SPRN: variants seen among roughly 807,000 people sequenced by gnomAD.
SPRN encodes the protein shadow of prion protein.
For missense variants in SPRN, 312 were observed against 241.4 expected (o/e 1.29, Z -1.94); for synonymous variants, 182 against 123.4 (o/e 1.48, Z -3.15).
rs1850287939 is a variant in SPRN at position 133,423,249 on chromosome 10, C to T, written c.433G>A (p.Ala145Thr). Residue 145 changes from alanine (A) to threonine (T), a missense_variant, in exon 2 of 2, where the codon GCC becomes ACC. Physicochemically the swap from Ala to Thr is moderately conservative, Grantham distance 58. Coordinates refer to ENST00000685335, the MANE Select transcript of SPRN (RefSeq NM_001391974.1). The part of the protein sequence containing the change: ...LCLVLGGALG[A>T]LGLLRP ...GCCTAGGGCCGCAGCAGCCCCAGGG[C>T]TCCGAGGGCGCCGCCCAGCACGAGA... 2 of 1,482,408 alleles carry T rather than the reference C, an allele frequency of 1.3e-6. No homozygotes were observed. The highest frequency in any genetic ancestry group is 1.8e-6 in the Non-Finnish European group (2 of 1,118,620). The allele number at this position is 1,482,408 out of a possible 1,614,324, so 91.8% of individuals were successfully genotyped here. A position where few individuals can be genotyped will look rare whatever the true frequency, so the allele number is the denominator to read the frequency against.
chr10:133,423,186 CG>C lies in SPRN; in HGVS notation c.*39del. 2 of 1,361,424 alleles carry C rather than the reference CG, an allele frequency of 1.5e-6. No individual in the cohort carries two copies. The highest frequency in any genetic ancestry group is 1.9e-6 in the Non-Finnish European group (2 of 1,055,118). 84.3% of individuals were successfully genotyped at this position (1,361,424 alleles called of 1,614,324 possible). On this transcript the variant is annotated 3_prime_UTR_variant, in exon 2 of 2. Transcript: ENST00000685335. ...GGCCGGAGGATCCTGGGGGATGGCG[CG>C]GGCCGGGGGCCAGATGTGGTCCCCG...
rs761514788 is a variant in SPRN, at chr10:133,423,436, G to GCCCGCGGCCGCT, written c.234_245dup (p.Ala79_Gly82dup). ...TTCTCCAGCCCGAGCCCGCCGCCAGGCCCGCGGCCGCTCCCGCCGCCGCCC... is the reference window on the plus strand; with the variant it reads ...TTCTCCAGCCCGAGCCCGCCGCCAGGCCCGCGGCCGCTCCCGCGGCCGCTCCCGCCGCCGCCC... On this transcript the variant is annotated inframe_insertion, in exon 2 of 2. Transcript: ENST00000685335. The GCCCGCGGCCGCT allele has an allele frequency of 2.1e-3, 2,687 of 1,277,440 alleles. 52 individuals are homozygous for GCCCGCGGCCGCT. The African/African-American group carries it at 0.038, about 18-fold the overall frequency. 79.1% of individuals were successfully genotyped at this position (1,277,440 alleles called of 1,614,324 possible).
Position 133,424,585 on chromosome 10 carries a change from C to T in SPRN, c.-129G>A, listed in dbSNP as rs1207663526. On this transcript the variant is annotated 5_prime_UTR_variant, in exon 1 of 2. Coordinates refer to ENST00000685335, the MANE Select transcript of SPRN (RefSeq NM_001391974.1). ...CGGACCCTCAGCCGGAGCGCGGAGC[C>T]GCGGCGCCTGGGTTTTGCGCGAGGC... 2 of 140,704 alleles carry T rather than the reference C, an allele frequency of 1.4e-5. No individual in the cohort carries two copies. Among genetic ancestry groups the T allele is most frequent in the Admixed American group, 6.8e-5 (1 of 14,780 alleles). The allele number at this position is 140,704 out of a possible 1,614,324, so 8.7% of individuals were successfully genotyped here.
rs1850324950 is a variant in SPRN at position 133,424,487 on chromosome 10, G to A, written c.-31C>T. The A allele has an allele frequency of 8.6e-6, 1 of 116,508 alleles. No individual in the cohort carries two copies. Among genetic ancestry groups the A allele is most frequent in the African/African-American group, 4.1e-5 (1 of 24,558 alleles). The allele number at this position is 116,508 out of a possible 1,614,324, so 7.2% of individuals were successfully genotyped here. A position where few individuals can be genotyped will look rare whatever the true frequency, so the allele number is the denominator to read the frequency against. The stretch of plus-strand genomic sequence containing the variant: ...CCCGGCCTTACCCGCCACGGGCCTC[G>A]GTTGGAACCGCGCGCTGGAGTATCC... On this transcript the variant is annotated 5_prime_UTR_variant, in exon 1 of 2. Transcript: ENST00000685335.
In SPRN at chr10:133,422,953, C is replaced by T. The variant is rs1009353847; in HGVS notation, c.*273G>A. On this transcript the variant is annotated 3_prime_UTR_variant, in exon 2 of 2. Coordinates refer to ENST00000685335, the MANE Select transcript of SPRN (RefSeq NM_001391974.1). ...ATGGAGCGTGGCTGGGCGGTTGGTA[C>T]AGGAGCCACAGGCAGCTGCCTTTTT... is the stretch of plus-strand genomic sequence containing the variant. The T allele has an allele frequency of 1.1e-5, 4 of 362,262 alleles. No homozygotes were observed. The highest frequency in any genetic ancestry group is 9.4e-5 in the Admixed American group (2 of 21,326). 22.4% of individuals were successfully genotyped at this position (362,262 alleles called of 1,614,324 possible).
Position 133,423,727 on chromosome 10 carries a change from T to C in SPRN, c.-16-30A>G, listed in dbSNP as rs754061745. The C allele has an allele frequency of 1.9e-5, 27 of 1,445,492 alleles. No homozygotes were observed. In the Admixed American group the frequency reaches 5.6e-4, roughly 30 times the overall value. 89.5% of individuals were successfully genotyped at this position (1,445,492 alleles called of 1,614,324 possible). A position where few individuals can be genotyped will look rare whatever the true frequency, so the allele number is the denominator to read the frequency against. On this transcript the variant is annotated intron_variant, in intron 1 of 1. Transcript: ENST00000685335. ...GGGAAGAGAGGGAAAGGGCCCTTAG[T>C]TTCCATGGAGATCGGGTGCCCAGGG...
intron 1 of SPRN, among the ~76,000 whole-genome samples, 149 bp downstream of exon 1, chr10:133,424,324 G>A (rs1269159915): frequency 6.3e-5 from 9 of 143,374 alleles, no homozygotes; most frequent in Admixed American, 1.4e-4. Context: ...TGCCGTCCCC[G>A]GCCGCCTAGT....
chr10:133,424,508 T>G lies in SPRN; in HGVS notation c.-52A>C. ...CCTCGGTTGGAACCGCGCGCTGGAG[T>G]ATCCGTCCCTGAGGCCGCGGCCGAG... On this transcript the variant is annotated 5_prime_UTR_variant, in exon 1 of 2. Coordinates refer to ENST00000685335, the MANE Select transcript of SPRN (RefSeq NM_001391974.1). 1 of 125,660 alleles carries G rather than the reference T, an allele frequency of 8.0e-6. No homozygotes were observed. The allele number at this position is 125,660 out of a possible 1,614,324, so 7.8% of individuals were successfully genotyped here.
At chr10:133,423,749 A>AG (rs1437742834) in intron 1 of SPRN, 52 bp from the exon 2 acceptor site, 1 of 1,291,942 alleles carries the variant, frequency 7.7e-7, no homozygotes, top group African/African-American at 1.5e-5. Context: ...TCGGGTGCCC[A>AG]GGGGCGGAGG....
Position 133,423,289 on chromosome 10 carries a change from G to A in SPRN, c.393C>T (p.Arg131=), listed in dbSNP as rs779998106. The change falls in exon 2 of 2, where the codon CGC becomes CGT. Residue 131 remains arginine, a synonymous_variant. Transcript: ENST00000685335. ...CCAGCACGAGACAGAGACGCGGGCC[G>A]CGCGTGGGTCCAGCGCCCGAAGTCC... is the stretch of plus-strand genomic sequence containing the variant. ...RAWTSGAGPT[R]GPRLCLVLGG... 1.7e-5 allele frequency: 26 copies of A among 1,518,462 alleles called. No individual in the cohort carries two copies. The highest frequency in any genetic ancestry group is 2.3e-5 in the Non-Finnish European group (26 of 1,138,658). 94.1% of individuals were successfully genotyped at this position (1,518,462 alleles called of 1,614,324 possible). A position where few individuals can be genotyped will look rare whatever the true frequency, so the allele number is the denominator to read the frequency against.
Position 133,423,453 on chromosome 10 carries a change from C to CGG in SPRN, c.228_229insCC (p.Ala77ProfsTer141). Reference sequence around the variant, plus strand: ...GCCGCCAGGCCCGCGGCCGCTCCCGCCGCCGCCCCGGCTGCCGCCCCGGCG... The same window carrying CGG: ...GCCGCCAGGCCCGCGGCCGCTCCCGCGGCGCCGCCCCGGCTGCCGCCCCGGCG... On this transcript the variant is annotated frameshift_variant, in exon 2 of 2. Coordinates refer to ENST00000685335, the MANE Select transcript of SPRN (RefSeq NM_001391974.1). LOFTEE classifies it low-confidence loss of function (END_TRUNC). The CGG allele has an allele frequency of 8.2e-7, 1 of 1,214,352 alleles. No individual in the cohort carries two copies. Among genetic ancestry groups the CGG allele is most frequent in the African/African-American group, 1.6e-5 (1 of 62,426 alleles). The allele number at this position is 1,214,352 out of a possible 1,614,324, so 75.2% of individuals were successfully genotyped here.
Position 133,423,368 on chromosome 10 carries a change from T to A in SPRN, c.314A>T (p.Asp105Val). The change falls in exon 2 of 2, where the codon GAC (aspartate) becomes GTC (valine). Residue 105 changes from aspartate to valine, a missense_variant. Physicochemically the swap from Asp to Val is radical, Grantham distance 152. Coordinates refer to ENST00000685335, the MANE Select transcript of SPRN (RefSeq NM_001391974.1). ...TGTCCCGTTGCCTCCGGGCACCCCG[T>A]CCTCCTCGTCCTCCAGGCCGCGTTC... The part of the protein sequence containing the change: ...PGERGLEDEE[D>V]GVPGGNGTGP... 2.7e-6 allele frequency: 4 copies of A among 1,508,182 alleles called. No homozygotes were observed. The highest frequency in any genetic ancestry group is 3.5e-6 in the Non-Finnish European group (4 of 1,133,780). 93.4% of individuals were successfully genotyped at this position (1,508,182 alleles called of 1,614,324 possible).
At position 133,420,707 on chromosome 10, in the gene SPRN, GAC is replaced by G. The variant is rs1850218046; in HGVS notation, c.*2517_*2518del. 1 of 152,824 alleles carries G rather than the reference GAC, an allele frequency of 6.5e-6. No homozygotes were observed. The highest frequency in any genetic ancestry group is 1.5e-5 in the Non-Finnish European group (1 of 68,510). 9.5% of individuals were successfully genotyped at this position (152,824 alleles called of 1,614,324 possible). A position where few individuals can be genotyped will look rare whatever the true frequency, so the allele number is the denominator to read the frequency against. ...TATTTCACACTTACAGGCACACACAGACACAGACCAGAGACTCCCAGCAGCAG... is the reference window on the plus strand; with the variant it reads ...TATTTCACACTTACAGGCACACACAGACAGACCAGAGACTCCCAGCAGCAG... On this transcript the variant is annotated 3_prime_UTR_variant, in exon 2 of 2. Transcript: ENST00000685335.
chr10:133,422,386 T>C lies in SPRN; in HGVS notation c.*840A>G, dbSNP rs1056521. 0.23 allele frequency: 34,721 copies of C among 152,406 alleles called. 4,185 individuals carry two copies. Among genetic ancestry groups the C allele is most frequent in the East Asian group, 0.34 (1,735 of 5,158 alleles). 9.4% of individuals were successfully genotyped at this position (152,406 alleles called of 1,614,324 possible). ...CCTCTTCAGCGGGATTGGCAGTTGC[T>C]GTGCCCTGAGAACAGGCAGAACTGT... is the stretch of plus-strand genomic sequence containing the variant. On this transcript the variant is annotated 3_prime_UTR_variant, in exon 2 of 2. Transcript: ENST00000685335.
rs1038379832 is a variant in SPRN at position 133,420,796 on chromosome 10, G to C, written c.*2430C>G. 1 of 152,438 alleles carries C rather than the reference G, an allele frequency of 6.6e-6. No homozygotes were observed. Among genetic ancestry groups the C allele is most frequent in the African/African-American group, 2.4e-5 (1 of 41,478 alleles). 9.4% of individuals were successfully genotyped at this position (152,438 alleles called of 1,614,324 possible). On this transcript the variant is annotated 3_prime_UTR_variant, in exon 2 of 2. Transcript: ENST00000685335. Reference sequence around the variant, plus strand: ...GCATGTTCAGGGCAGGGTTGAGGGGGACGCCCTGCACATGGCTTTGCTGTG... The same window carrying C: ...GCATGTTCAGGGCAGGGTTGAGGGGCACGCCCTGCACATGGCTTTGCTGTG...
chr10:133,423,446 G>A lies in SPRN; in HGVS notation c.236C>T (p.Ala79Val), dbSNP rs1181858755. ...AGAAAGAAAG[A>V]AAGLAAGSGW... is the part of the protein sequence containing the mutation. ...CGAGCCCGCCGCCAGGCCCGCGGCC[G>A]CTCCCGCCGCCGCCCCGGCTGCCGC... Residue 79 changes from alanine to valine, a missense_variant, in exon 2 of 2, where the codon GCG (alanine) becomes GTG (valine). By Grantham distance (64) the Ala-to-Val change is moderately conservative (BLOSUM62 0). Coordinates refer to ENST00000685335, the MANE Select transcript of SPRN (RefSeq NM_001391974.1). 4.7e-5 allele frequency: 58 copies of A among 1,242,948 alleles called. No homozygotes were observed. Among genetic ancestry groups the A allele is most frequent in the Non-Finnish European group, 5.7e-5 (57 of 996,956 alleles). The allele number at this position is 1,242,948 out of a possible 1,614,324, so 77.0% of individuals were successfully genotyped here.
In SPRN at chr10:133,423,332, AT is replaced by A; in HGVS notation, c.349del (p.Ile117SerfsTer100). On this transcript the variant is annotated frameshift_variant, in exon 2 of 2. Transcript: ENST00000685335. LOFTEE classifies it low-confidence loss of function (END_TRUNC). ...CGAAGTCCACGCCCGGTAGCTGTAGATGCCGGGGCCTGTCCCGTTGCCTCCG... is the reference window on the plus strand; with the variant it reads ...CGAAGTCCACGCCCGGTAGCTGTAGAGCCGGGGCCTGTCCCGTTGCCTCCG... ...VPGGNGTGPG[I>X]YSYRAWTSGA... 1 of 1,522,564 alleles carries A rather than the reference AT, an allele frequency of 6.6e-7. No individual in the cohort carries two copies. Among genetic ancestry groups the A allele is most frequent in the South Asian group, 1.2e-5 (1 of 82,040 alleles). 94.3% of individuals were successfully genotyped at this position (1,522,564 alleles called of 1,614,324 possible).
chr10:133,424,309 C>T (rs1850320391), intron 1 of SPRN, among the ~76,000 whole-genome samples, 164 bp downstream of exon 1: 2 of 143,260 alleles, frequency 1.4e-5, no homozygotes, highest in South Asian at 4.5e-4. Context: ...GCGCCCGGCG[C>T]TCAATGCCGT....
rs1259488033 is a variant in SPRN at position 133,424,490 on chromosome 10, T to C, written c.-34A>G. The C allele has an allele frequency of 4.1e-5, 5 of 122,588 alleles. No homozygotes were observed. In the South Asian group the frequency reaches 1.4e-3, roughly 33 times the overall value. 7.6% of individuals were successfully genotyped at this position (122,588 alleles called of 1,614,324 possible). A position where few individuals can be genotyped will look rare whatever the true frequency, so the allele number is the denominator to read the frequency against. ...GGCCTTACCCGCCACGGGCCTCGGT[T>C]GGAACCGCGCGCTGGAGTATCCGTC... On this transcript the variant is annotated 5_prime_UTR_variant, in exon 1 of 2. Transcript: ENST00000685335.
Sources: allele counts gnomAD v4.1 joint callset (sites outside exome capture counted in the v4.1 genomes callset), GRCh38; gene constraint gnomAD v4.1.1; transcripts MANE v1.5; gene names NCBI Gene and HGNC (gene_info 2026-07-23, HGNC 2026-07-21).